The following NBPF26 variants were observed in gnomAD, a reference collection of about 807,000 sequenced individuals.
NBPF26 encodes the protein NBPF member 26.
In NBPF26, 79 loss-of-function variants were observed where a neutral mutation model predicts 119.6. That is an observed-to-expected ratio of 0.66 (90% CI 0.55 to 0.80). The LOEUF is 0.80. NBPF26 is among the 30% of genes least tolerant of loss of function. NBPF26 has a pLI of 0.00. For missense variants in NBPF26, 800 were observed against 1,198.2 expected (o/e 0.67, Z 4.91); for synonymous variants, 299 against 457.7 (o/e 0.65, Z 4.43).
chr1:120,783,646 T>A lies in NBPF26; in HGVS notation c.156-1328T>A, dbSNP rs1415265448. Reference sequence around the variant, plus strand: ...CATATGGGACTGGAACAGTGTATTTTGGAGTCAGTTACAGGAAGGAAGTTG... The same window carrying A: ...CATATGGGACTGGAACAGTGTATTTAGGAGTCAGTTACAGGAAGGAAGTTG... On this transcript the variant is annotated intron_variant, in intron 2 of 29. Transcript: ENST00000620612. Among the ~76,000 whole-genome samples, 4 of 109,416 alleles carry A rather than the reference T, an allele frequency of 3.7e-5. 1 individual carries two copies. Among genetic ancestry groups the A allele is most frequent in the Non-Finnish European group, 6.8e-5 (4 of 58,584 alleles). 71.8% of individuals were successfully genotyped at this position (109,416 alleles called of 152,430 possible).
intron 10 of NBPF26, among the ~76,000 whole-genome samples, chr1:120,813,354 A>C (rs1364415749): frequency 3.2e-5 from 4 of 125,684 alleles, no homozygotes; most frequent in African/African-American, 1.2e-4. Flanking sequence ...TTCATGGCCT[A>C]ATGGTGTTAT....
At chr1:120,795,967 T>A (rs1454505785) in intron 4 of NBPF26, among the ~76,000 whole-genome samples, 1 of 36,934 alleles carries the variant, frequency 2.7e-5, no homozygotes, top group Non-Finnish European at 5.4e-5. Context: ...GTTGTGCAGA[T>A]GTTTAAAAGT....
rs1553271110 is a variant in NBPF26 at position 120,812,137 on chromosome 1, G to A, written c.1774+42G>A. 61 of 1,010,916 alleles carry A rather than the reference G, an allele frequency of 6.0e-5. 11 individuals are homozygous for A. The highest frequency in any genetic ancestry group is 3.3e-4 in the Admixed American group (16 of 49,070). 62.6% of individuals were successfully genotyped at this position (1,010,916 alleles called of 1,614,324 possible). A position where few individuals can be genotyped will look rare whatever the true frequency, so the allele number is the denominator to read the frequency against. ...CACCATCACGAAAGTGATGAACGAG[G>A]TCCTGTCTTCTCTCTGAGACACTAA... On this transcript the variant is annotated intron_variant, in intron 10 of 29. Coordinates refer to ENST00000620612, the Ensembl canonical transcript of NBPF26.
In NBPF26 at chr1:120,840,409, T is replaced by A. The variant is rs77570381; in HGVS notation, c.4163T>A (p.Ile1388Lys). 3.1e-5 allele frequency: 46 copies of A among 1,464,710 alleles called. 15 individuals are homozygous for A. Among genetic ancestry groups the A allele is most frequent in the Non-Finnish European group, 4.1e-5 (45 of 1,085,598 alleles). 90.7% of individuals were successfully genotyped at this position (1,464,710 alleles called of 1,614,324 possible). ...GAAGTCTTGCAGGACTCACTGGATA[T>A]ATGTTATTCGACTCCGTCAATGTAC... The change falls in exon 30 of 30, where the codon ATA becomes AAA. Residue 1388 changes from isoleucine to lysine, a missense_variant. Physicochemically the swap from Ile to Lys is moderately radical, Grantham distance 102. Around this residue, in one of 13 missense-constraint regions of NBPF26, gnomAD observed 155 missense variants for 95.9 expected, o/e 1.62. Coordinates refer to ENST00000620612, the Ensembl canonical transcript of NBPF26.
At chr1:120,824,118 G>T in exon 18 of NBPF26, 1 of 455,494 alleles carries the variant, frequency 2.2e-6, no homozygotes, top group Non-Finnish European at 3.7e-6. Context: ...TGGAGCAACA[G>T]CGTGTTGGCT....
chr1:120,793,362 A>G, exon 4 of NBPF26: 1 of 1,424,990 alleles, frequency 7.0e-7, no homozygotes, highest in Non-Finnish European at 9.4e-7. Flanking sequence ...GGTTCCTACC[A>G]GTGCCAGTGC....
chr1:120,815,159 T>C, intron 12 of NBPF26, 116 bp downstream of exon 12: 1 of 1,048,698 alleles, frequency 9.5e-7, no homozygotes, highest in Non-Finnish European at 1.4e-6. Flanking sequence ...TAAGCTTATG[T>C]GGCCATGACA....
chr1:120,806,795 GCTTGT>G (rs1651697738), intron 5 of NBPF26, among the ~76,000 whole-genome samples: 1 of 116,656 alleles, frequency 8.6e-6, no homozygotes, highest in Non-Finnish European at 1.7e-5. Context: ...CATCCAAGTT[GCTTGT>G]CTTGTCTGTC....
intron 4 of NBPF26, among the ~76,000 whole-genome samples, chr1:120,802,234 G>A (rs1371228290): frequency 8.0e-6 from 1 of 124,972 alleles, no homozygotes; most frequent in African/African-American, 3.8e-5. Flanking sequence ...GGCCCCACCT[G>A]AGCCCTCTGA....
chr1:120,807,392 C>T lies in NBPF26; in HGVS notation c.962-215C>T, dbSNP rs1253284266. ...AATCATCTTGTCAACTTCCTTGATG[C>T]GCCCTTGAGTTTCTCTTTCTTCGTC... On this transcript the variant is annotated intron_variant, in intron 5 of 29. Coordinates refer to ENST00000620612, the Ensembl canonical transcript of NBPF26. 4.5e-4 allele frequency among the ~76,000 whole-genome samples: 56 copies of T among 124,484 alleles called. 10 individuals carry two copies. Among genetic ancestry groups the T allele is most frequent in the Non-Finnish European group, 2.0e-4 (12 of 61,422 alleles). The allele number at this position is 124,484 out of a possible 152,430, so 81.7% of individuals were successfully genotyped here. A position where few individuals can be genotyped will look rare whatever the true frequency, so the allele number is the denominator to read the frequency against.
At position 120,770,470 on chromosome 1, in the gene NBPF26, A is replaced by G. The variant is rs1651250437; in HGVS notation, c.155+6761A>G. On this transcript the variant is annotated intron_variant, in intron 2 of 29. Coordinates refer to ENST00000620612, the Ensembl canonical transcript of NBPF26. Reference sequence around the variant, plus strand: ...AGGCGTGAGCCACCACACCCAGCCGAGGACATAGGTTTTTTTATGCCAGAT... The same window carrying G: ...AGGCGTGAGCCACCACACCCAGCCGGGGACATAGGTTTTTTTATGCCAGAT... 2.6e-5 allele frequency among the ~76,000 whole-genome samples: 3 copies of G among 113,806 alleles called. 1 individual carries two copies. The highest frequency in any genetic ancestry group is 1.7e-5 in the Non-Finnish European group (1 of 60,326). 74.7% of individuals were successfully genotyped at this position (113,806 alleles called of 152,430 possible).
chr1:120,811,814 C>G, intron 9 of NBPF26, 72 bp from the exon 10 acceptor site: 1 of 700,398 alleles, frequency 1.4e-6, no homozygotes, highest in Non-Finnish European at 2.5e-6. Context: ...AGTGACATCC[C>G]TCAGTCCTGA....
chr1:120,770,329 C>T (rs1292452104), intron 2 of NBPF26, among the ~76,000 whole-genome samples: 2 of 107,950 alleles, frequency 1.9e-5, no homozygotes, highest in Non-Finnish European at 3.5e-5. Context: ...GCCACCACGC[C>T]CGGCTAATTT....
chr1:120,820,518 A>T (rs1379724463), intron 15 of NBPF26, among the ~76,000 whole-genome samples: 2 of 20,400 alleles, frequency 9.8e-5, no homozygotes, highest in African/African-American at 4.2e-4. Context: ...ATAAAGGAAA[A>T]CTATACATAT....
chr1:120,817,911 C>G (rs1652043865), intron 14 of NBPF26, among the ~76,000 whole-genome samples: 1 of 115,272 alleles, frequency 8.7e-6, no homozygotes, highest in East Asian at 2.1e-4. Flanking sequence ...TTATGGTCTA[C>G]ACATAGAGGG....
rs1425407716 is a variant in NBPF26, at chr1:120,793,157, T to G, written c.416-4T>G. 6.1e-5 allele frequency: 84 copies of G among 1,378,244 alleles called. 17 individuals are homozygous for G. The East Asian group carries it at 1.9e-3, about 31-fold the overall frequency. 85.4% of individuals were successfully genotyped at this position (1,378,244 alleles called of 1,614,324 possible). Reference sequence around the variant, plus strand: ...AGTACTGAGTTTTGTTATCCTTCCTTTAGGTAAGGAGTGCCAATGGACCGA... The same window carrying G: ...AGTACTGAGTTTTGTTATCCTTCCTGTAGGTAAGGAGTGCCAATGGACCGA... On this transcript the variant is annotated splice_polypyrimidine_tract_variant and splice_region_variant and intron_variant, in intron 3 of 29. Coordinates refer to ENST00000620612, the Ensembl canonical transcript of NBPF26.
At chr1:120,778,028 A>G in intron 2 of NBPF26, among the ~76,000 whole-genome samples, 1 of 82,664 alleles carries the variant, frequency 1.2e-5, no homozygotes, top group South Asian at 3.6e-4. Context: ...TTACATAGGA[A>G]CTTTCACTGG....
At chr1:120,805,260 T>C (rs1277607275) in intron 4 of NBPF26, among the ~76,000 whole-genome samples, 1 of 125,772 alleles carries the variant, frequency 8.0e-6, no homozygotes, top group Non-Finnish European at 1.6e-5. Context: ...TAAGTTTCCA[T>C]GACACCCCCA....
chr1:120,777,507 C>T lies in NBPF26; in HGVS notation c.156-7467C>T, dbSNP rs1275078461. Among the ~76,000 whole-genome samples, 4 of 111,264 alleles carry T rather than the reference C, an allele frequency of 3.6e-5. 2 individuals carry two copies. Among genetic ancestry groups the T allele is most frequent in the Non-Finnish European group, 6.8e-5 (4 of 58,960 alleles). The allele number at this position is 111,264 out of a possible 152,430, so 73.0% of individuals were successfully genotyped here. A position where few individuals can be genotyped will look rare whatever the true frequency, so the allele number is the denominator to read the frequency against. On this transcript the variant is annotated intron_variant, in intron 2 of 29. Coordinates refer to ENST00000620612, the Ensembl canonical transcript of NBPF26. The stretch of plus-strand genomic sequence containing the variant: ...CTTGTCTTTGTTTCTTCACATACAA[C>T]TAGTAAGGCCCTAGAAAAACTACAC...
Sources: allele counts gnomAD v4.1 joint callset (sites outside exome capture counted in the v4.1 genomes callset), GRCh38; gene constraint gnomAD v4.1.1; regional missense constraint gnomAD v4.1.1; transcripts MANE v1.5; gene names NCBI Gene and HGNC (gene_info 2026-07-23, HGNC 2026-07-21).